The following CSMD1 variants were observed in gnomAD, a reference collection of about 807,000 sequenced individuals.
The protein encoded by CSMD1 is CUB and sushi domain-containing protein 1.
A neutral mutation model predicts 417.5 loss-of-function variants in CSMD1; 213 were observed. That is an observed-to-expected ratio of 0.51 (90% CI 0.46 to 0.57). The LOEUF (loss-of-function observed/expected upper bound fraction) is 0.57, where lower values mean the gene tolerates loss of function less well. CSMD1 is among the 20% of genes least tolerant of loss of function. The probability of loss-of-function intolerance (pLI) is 0.00; values close to 1 mark genes in which losing one functional copy is unlikely to be tolerated. For synonymous variants in CSMD1, 2,862 were observed against 1,736.8 expected (o/e 1.65, Z -16.11); for missense variants, 6,923 against 4,529.7 (o/e 1.53, Z -15.17).
chr8:2,990,303 G>T (rs1367982278), intron 54 of CSMD1, among the ~76,000 whole-genome samples: 1 of 152,158 alleles, frequency 6.6e-6, no homozygotes, highest in Non-Finnish European at 1.5e-5. Context: ...ATTCCTCTGA[G>T]AACTGAATGA....
intron 3 of CSMD1, among the ~76,000 whole-genome samples, chr8:4,071,298 A>G (rs560098894): frequency 1.6e-4 from 25 of 152,086 alleles, no homozygotes; most frequent in African/African-American, 5.3e-4. Context: ...TATTTTCTCT[A>G]TATTCTACTG....
chr8:3,006,691 A>G (rs1326513845), intron 52 of CSMD1, among the ~76,000 whole-genome samples: 3 of 151,622 alleles, frequency 2.0e-5, no homozygotes, highest in South Asian at 2.1e-4. Context: ...CCTATTTAAT[A>G]AATGGTGCTG....
chr8:4,315,806 T>C (rs574863830), intron 3 of CSMD1, among the ~76,000 whole-genome samples: 1 of 22,594 alleles, frequency 4.4e-5, no homozygotes, highest in South Asian at 6.8e-3. Context: ...ATTCAAACTT[T>C]TTTTCTTTAT....
intron 8 of CSMD1, 36 bp from the exon 9 acceptor site, chr8:3,586,296 T>G: frequency 6.5e-7 from 1 of 1,527,946 alleles, no homozygotes; most frequent in South Asian, 1.3e-5. Context: ...AAACCCAAAT[T>G]ATTTACAGAA....
chr8:4,454,216 C>T (rs546653027), intron 2 of CSMD1, among the ~76,000 whole-genome samples: 2 of 152,094 alleles, frequency 1.3e-5, no homozygotes, highest in Non-Finnish European at 2.9e-5. Context: ...GTCTCCTTAT[C>T]CACCCCCAAC....
At chr8:4,915,979 C>T (rs972711987) in intron 1 of CSMD1, among the ~76,000 whole-genome samples, 1 of 152,114 alleles carries the variant, frequency 6.6e-6, no homozygotes, top group Admixed American at 6.5e-5. Context: ...TCCGCTAGTT[C>T]CCATCCCTGG....
chr8:3,678,606 A>G (rs1480471467), intron 7 of CSMD1, among the ~76,000 whole-genome samples: 2 of 152,158 alleles, frequency 1.3e-5, no homozygotes, highest in Admixed American at 1.3e-4. Flanking sequence ...AAGTTGGAAA[A>G]CACTCTGCAG....
intron 3 of CSMD1, among the ~76,000 whole-genome samples, chr8:4,380,090 A>T (rs1224835724): frequency 6.6e-6 from 1 of 152,244 alleles, no homozygotes; most frequent in Non-Finnish European, 1.5e-5. Context: ...ATAAAAAGTA[A>T]ATGGGAGAAA....
chr8:3,507,028 A>C (rs1796855897), intron 10 of CSMD1, among the ~76,000 whole-genome samples: 1 of 152,202 alleles, frequency 6.6e-6, no homozygotes. Flanking sequence ...TAAGAATTGA[A>C]CAAACGTATA....
intron 2 of CSMD1, among the ~76,000 whole-genome samples, chr8:4,617,041 T>G (rs1188204071): frequency 6.6e-6 from 1 of 152,068 alleles, no homozygotes; most frequent in Non-Finnish European, 1.5e-5. Context: ...TATTAATTGA[T>G]GATAGTTTAA....
chr8:4,086,147 A>AT lies in CSMD1; in HGVS notation c.416-54049dup, dbSNP rs537482670. On this transcript the variant is annotated intron_variant, in intron 3 of 69. Transcript: ENST00000635120. ...ATGTTATTGCTACATTTAAGTTGCA[A>AT]TTTTTTTCAAAAAGTGCATATAAGT... 2.1e-3 allele frequency among the ~76,000 whole-genome samples: 314 copies of AT among 152,210 alleles called. 2 individuals are homozygous for AT. Among genetic ancestry groups the AT allele is most frequent in the African/African-American group, 7.1e-3 (296 of 41,534 alleles).
chr8:3,945,254 G>C (rs924488169), intron 5 of CSMD1, among the ~76,000 whole-genome samples: 2 of 149,068 alleles, frequency 1.3e-5, no homozygotes, highest in East Asian at 2.0e-4. Flanking sequence ...ATTAATATAA[G>C]CTGAACAATA....
intron 1 of CSMD1, among the ~76,000 whole-genome samples, chr8:4,655,351 G>C (rs10108351): frequency 0.65 from 98,544 of 151,832 alleles, 33,406 homozygotes; most frequent in African/African-American, 0.84. Flanking sequence ...CCTGCTGAAG[G>C]TTTGAAAGTG....
chr8:4,164,422 G>A (rs1230016346), intron 3 of CSMD1, among the ~76,000 whole-genome samples: 19 of 152,134 alleles, frequency 1.2e-4, no homozygotes, highest in Admixed American at 1.2e-3. Context: ...TATCCTTGAG[G>A]GTTGCAGGTG....
chr8:4,435,983 T>A (rs1186017073), intron 2 of CSMD1, among the ~76,000 whole-genome samples: 2 of 152,202 alleles, frequency 1.3e-5, no homozygotes, highest in Non-Finnish European at 2.9e-5. Flanking sequence ...TCTACTTTTC[T>A]GTCACAAACA....
chr8:4,469,400 C>T (rs1410498280), intron 2 of CSMD1, among the ~76,000 whole-genome samples: 1 of 152,196 alleles, frequency 6.6e-6, no homozygotes, highest in African/African-American at 2.4e-5. Flanking sequence ...TGTCAGCATT[C>T]TGCCGTATTT....
At chr8:3,696,635 A>G (rs555708633) in intron 7 of CSMD1, among the ~76,000 whole-genome samples, 3 of 152,226 alleles carry the variant, frequency 2.0e-5, no homozygotes, top group African/African-American at 7.2e-5. Context: ...CGTCATCATT[A>G]TATAACCCTG....
At chr8:4,425,379 C>CAAA (rs3056571) in intron 2 of CSMD1, among the ~76,000 whole-genome samples, 20 of 128,826 alleles carry the variant, frequency 1.6e-4, no homozygotes, top group African/African-American at 4.8e-4. Flanking sequence ...ATTTGTGTGC[C>CAAA]AAAAAAAAAA....
intron 1 of CSMD1, among the ~76,000 whole-genome samples, chr8:4,956,522 T>C (rs1281057226): frequency 6.7e-6 from 1 of 149,062 alleles, no homozygotes; most frequent in African/African-American, 2.4e-5. Flanking sequence ...CACACGTATT[T>C]TAAATATATT....
Sources: allele counts gnomAD v4.1 joint callset (sites outside exome capture counted in the v4.1 genomes callset), GRCh38; gene constraint gnomAD v4.1.1; transcripts MANE v1.5; gene names NCBI Gene and HGNC (gene_info 2026-07-23, HGNC 2026-07-21).